PRDM1: variants seen among roughly 807,000 people sequenced by gnomAD.
PRDM1 encodes the protein PR/SET domain 1, also known as PR domain zinc finger protein 1.
Under a neutral mutation model 62.8 loss-of-function variants are expected in PRDM1, and 13 were observed. That is an observed-to-expected ratio of 0.21 (90% confidence interval 0.13 to 0.33). The LOEUF (loss-of-function observed/expected upper bound fraction) is 0.33. PRDM1 is among the 10% of genes least tolerant of loss of function. PRDM1 has a pLI of 1.00. For missense variants in PRDM1, 895 were observed against 1,058.8 expected (o/e 0.85, Z 2.15); for synonymous variants, 396 against 417.6 (o/e 0.95, Z 0.63).
intron 1 of PRDM1, among the ~76,000 whole-genome samples, chr6:106,000,570 G>A (rs1376310312): frequency 7.0e-6 from 1 of 143,784 alleles, no homozygotes; most frequent in African/African-American, 2.6e-5. Context: ...TTATTTCCAT[G>A]TATGTTTTCC....
intron 1 of PRDM1, among the ~76,000 whole-genome samples, chr6:106,019,252 TCAAAAAAAAAAAAAAA>T (rs1772662439): frequency 3.5e-5 from 1 of 28,640 alleles, no homozygotes; most frequent in African/African-American, 1.7e-4. Context: ...AGACTCCATC[TCAAAAAAAAAAAAAAA>T]AAAAAAAAAA....
Position 106,105,635 on chromosome 6 carries a change from C to T in PRDM1, c.1475C>T (p.Pro492Leu), listed in dbSNP as rs1286328035. The T allele has an allele frequency of 1.9e-6, 3 of 1,613,280 alleles. No individual in the cohort carries two copies. The highest frequency in any genetic ancestry group is 1.7e-6 in the Non-Finnish European group (2 of 1,179,410). The change falls in exon 5 of 7, where the codon CCC becomes CTC. Residue 492 changes from proline to leucine, a missense_variant. Pro to Leu is a moderately conservative substitution (Grantham distance 98, BLOSUM62 -3). Coordinates refer to ENST00000369096, the MANE Select transcript of PRDM1 (RefSeq NM_001198.4). ...EHPREVLVPA[P>L]HSAFSFTGAA... The stretch of plus-strand genomic sequence containing the variant: ...CCCAGGGAGGTGCTTGTCCCGGCGC[C>T]CCACAGTGCCTTCTCCTTTACCGGG...
chr6:106,108,900 C>T lies in PRDM1; in HGVS notation c.*1414C>T, dbSNP rs1237846912. 2 of 230,654 alleles carry T rather than the reference C, an allele frequency of 8.7e-6. No individual in the cohort carries two copies. Among genetic ancestry groups the T allele is most frequent in the Non-Finnish European group, 1.7e-5 (2 of 116,378 alleles). 14.3% of individuals were successfully genotyped at this position (230,654 alleles called of 1,614,324 possible). ...GAGGAGAAACCGAGTAAATGTGCTCCAGCAAGATAGACTTTGTGTTATTCT... is the reference window on the plus strand; with the variant it reads ...GAGGAGAAACCGAGTAAATGTGCTCTAGCAAGATAGACTTTGTGTTATTCT... On this transcript the variant is annotated 3_prime_UTR_variant, in exon 7 of 7. Transcript: ENST00000369096.
chr6:106,067,637 A>G (rs1274356949), intron 1 of PRDM1, among the ~76,000 whole-genome samples: 2 of 152,214 alleles, frequency 1.3e-5, no homozygotes, highest in African/African-American at 2.4e-5. Context: ...CAAATACTGT[A>G]TGATTCCACT....
At chr6:106,049,452 G>A (rs1196326150) in intron 1 of PRDM1, among the ~76,000 whole-genome samples, 3 of 152,176 alleles carry the variant, frequency 2.0e-5, no homozygotes, top group Non-Finnish European at 2.9e-5. Context: ...ACAGTTCTGT[G>A]AGTCCTTCAT....
intron 2 of PRDM1, 94 bp from the exon 3 acceptor site, chr6:106,095,521 G>T: frequency 1.4e-6 from 2 of 1,388,026 alleles, no homozygotes; most frequent in Non-Finnish European, 2.0e-6. Flanking sequence ...ATTGTTAGTT[G>T]TATTACTACT....
At chr6:106,008,236 G>T (rs1772505099) in intron 1 of PRDM1, among the ~76,000 whole-genome samples, 1 of 152,190 alleles carries the variant, frequency 6.6e-6, no homozygotes. Context: ...AGCTGGGCGT[G>T]GTGGCGCGCG....
intron 1 of PRDM1, among the ~76,000 whole-genome samples, chr6:106,065,987 C>A (rs928909289): frequency 6.6e-6 from 1 of 152,176 alleles, no homozygotes; most frequent in Non-Finnish European, 1.5e-5. Context: ...CATTGAAAGG[C>A]AGCCTTGCCC....
chr6:106,080,988 G>A (rs1316712504), intron 1 of PRDM1, among the ~76,000 whole-genome samples: 5 of 152,248 alleles, frequency 3.3e-5, no homozygotes, highest in Non-Finnish European at 1.5e-5. Context: ...AGCCAGGGCT[G>A]ATGGCTTCTG....
chr6:106,107,215 G>A lies in PRDM1; in HGVS notation c.2207G>A (p.Ser736Asn). 6.2e-7 allele frequency: 1 copy of A among 1,614,248 alleles called. No individual in the cohort carries two copies. Among genetic ancestry groups the A allele is most frequent in the Non-Finnish European group, 8.5e-7 (1 of 1,180,046 alleles). Reference protein sequence around the residue: ...INEEIEKFDISDNADRLEDVE... With the variant: ...INEEIEKFDINDNADRLEDVE... ...GAAGAAATCGAGAAGTTTGACATCAGTGACAATGCTGACCGGCTCGAGGAC... is the reference window on the plus strand; with the variant it reads ...GAAGAAATCGAGAAGTTTGACATCAATGACAATGCTGACCGGCTCGAGGAC... The change falls in exon 7 of 7, where the codon AGT (serine) becomes AAT (asparagine). Residue 736 changes from serine to asparagine, a missense_variant. Physicochemically the swap from Ser to Asn is conservative, Grantham distance 46 (BLOSUM62 1). This residue lies in a region of PRDM1 where 164 missense variants were observed against 179.9 expected (regional missense o/e 0.91). Coordinates refer to ENST00000369096, the MANE Select transcript of PRDM1 (RefSeq NM_001198.4).
At chr6:106,018,150 T>C (rs1772646987) in intron 1 of PRDM1, among the ~76,000 whole-genome samples, 1 of 152,150 alleles carries the variant, frequency 6.6e-6, no homozygotes, top group Non-Finnish European at 1.5e-5. Context: ...TTGAGGGCTA[T>C]TTCCTCAACA....
chr6:106,105,143 C>G lies in PRDM1; in HGVS notation c.983C>G (p.Pro328Arg), dbSNP rs766506764. The G allele has an allele frequency of 6.2e-7, 1 of 1,613,056 alleles. No individual in the cohort carries two copies. Among genetic ancestry groups the G allele is most frequent in the African/African-American group, 1.3e-5 (1 of 74,856 alleles). ...AGACCCACGTACATCACTCGCTCCCCCATTCCATCCTCCACCACTCCAAGC... is the reference window on the plus strand; with the variant it reads ...AGACCCACGTACATCACTCGCTCCCGCATTCCATCCTCCACCACTCCAAGC... Reference protein sequence around the residue: ...IERPTYITRSPIPSSTTPSPS... With the variant: ...IERPTYITRSRIPSSTTPSPS... The change falls in exon 5 of 7, where the codon CCC becomes CGC. Residue 328 changes from proline (P) to arginine (R), a missense_variant. Coordinates refer to ENST00000369096, the MANE Select transcript of PRDM1 (RefSeq NM_001198.4).
Position 106,095,652 on chromosome 6 carries a change from G to A in PRDM1, c.329G>A (p.Gly110Asp). ...GVMSKEYIPK[G>D]TRFGPLIGEI... Reference sequence around the variant, plus strand: ...ATGAGTAAAGAATACATACCAAAGGGCACACGTTTTGGACCCCTAATAGGT... The same window carrying A: ...ATGAGTAAAGAATACATACCAAAGGACACACGTTTTGGACCCCTAATAGGT... Residue 110 changes from glycine to aspartate, a missense_variant, in exon 3 of 7, where the codon GGC (glycine) becomes GAC (aspartate). This residue lies in a region of PRDM1 where 213 missense variants were observed against 283.9 expected (regional missense o/e 0.75). Transcript: ENST00000369096. 2.5e-6 allele frequency: 4 copies of A among 1,613,948 alleles called. No homozygotes were observed. Among genetic ancestry groups the A allele is most frequent in the Non-Finnish European group, 3.4e-6 (4 of 1,179,902 alleles).
At chr6:106,102,086 G>A (rs746153468) in intron 4 of PRDM1, among the ~76,000 whole-genome samples, 1 of 151,996 alleles carries the variant, frequency 6.6e-6, no homozygotes, top group Non-Finnish European at 1.5e-5. Context: ...ACTTTGTTTT[G>A]CCTACTGCAG....
chr6:105,998,842 A>G (rs1468811841), intron 1 of PRDM1, among the ~76,000 whole-genome samples: 1 of 150,722 alleles, frequency 6.6e-6, no homozygotes, highest in Non-Finnish European at 1.5e-5. Context: ...CTGGGTTACT[A>G]TAATCAACCT....
chr6:106,025,736 T>G (rs1349863134), intron 1 of PRDM1, among the ~76,000 whole-genome samples: 1 of 152,238 alleles, frequency 6.6e-6, no homozygotes, highest in African/African-American at 2.4e-5. Context: ...TATTATCAAA[T>G]TGATACTCTT....
At chr6:106,088,882 A>G (rs1486941420) in intron 2 of PRDM1, among the ~76,000 whole-genome samples, 1 of 152,236 alleles carries the variant, frequency 6.6e-6, no homozygotes, top group Non-Finnish European at 1.5e-5. Context: ...ACTCTTTTTA[A>G]CAAGCCAGCT....
At chr6:106,074,212 C>A (rs1163845276) in intron 1 of PRDM1, among the ~76,000 whole-genome samples, 1 of 152,084 alleles carries the variant, frequency 6.6e-6, no homozygotes, top group African/African-American at 2.4e-5. Context: ...TTTGTTATTG[C>A]AGATGAAATG....
rs115936682 is a variant in PRDM1, at chr6:105,999,553, C to A, written c.-67+5914C>A. On this transcript the variant is annotated intron_variant, in intron 1 of 6. Transcript: ENST00000652320. ...TGCCACTGCTGTGTTACTTGCCTTA[C>A]ACTAAGTCCTCTCAGACTCAAGTGT... 7.9e-3 allele frequency among the ~76,000 whole-genome samples: 1,202 copies of A among 152,242 alleles called. 19 individuals are homozygous for A. Among genetic ancestry groups the A allele is most frequent in the African/African-American group, 0.028 (1,161 of 41,542 alleles).
Sources: gnomAD v4.1 joint callset for allele counts (sites outside exome capture counted in the v4.1 genomes callset) on GRCh38, gnomAD v4.1.1 for gene constraint, gnomAD v4.1.1 regional missense constraint, MANE v1.5 for transcripts, NCBI Gene and HGNC (gene_info 2026-07-23, HGNC 2026-07-21) for gene names.